GLIS3: variants seen among roughly 807,000 people sequenced by gnomAD.
The protein encoded by GLIS3 is GLIS family zinc finger 3.
GLIS3 carries 53 observed loss-of-function variants against 78.6 expected under a neutral mutation model. That is an observed-to-expected ratio of 0.67 (90% CI 0.54 to 0.85). The LOEUF is 0.85. GLIS3 is among the 40% of genes least tolerant of loss of function. The probability of loss-of-function intolerance (pLI) is 0.00; values close to 1 mark genes in which losing one functional copy is unlikely to be tolerated. For synonymous variants in GLIS3, 684 were observed against 509.9 expected (o/e 1.34, Z -4.60); for missense variants, 1,703 against 1,231.1 (o/e 1.38, Z -5.74).
chr9:4,134,484 T>C (rs1263338456), intron 2 of GLIS3, among the ~76,000 whole-genome samples: 1 of 152,156 alleles, frequency 6.6e-6, no homozygotes. Context: ...AGCAGAGTAA[T>C]TTTACCTCTT....
At chr9:4,435,886 T>C in the GLIS3 span, among the ~76,000 whole-genome samples, 21 of 152,078 alleles carry the variant, frequency 1.4e-4, no homozygotes, top group Admixed American at 7.9e-4. Flanking sequence ...GAGGTGGAGC[T>C]TGCAGTGAGC....
In GLIS3 at chr9:3,948,507, T is replaced by A. The variant is rs545641262; in HGVS notation, c.1711-11318A>T. ...TGATCCCTATAATTCTTATGAAAAA[T>A]ACCTTGGCTCAGAATTGTAACCTCA... On this transcript the variant is annotated intron_variant, in intron 4 of 10. Transcript: ENST00000381971. Among the ~76,000 whole-genome samples, 19 of 152,264 alleles carry A rather than the reference T, an allele frequency of 1.2e-4. No individual in the cohort carries two copies. In the South Asian group the frequency reaches 1.9e-3, roughly 15 times the overall value.
chr9:4,186,358 A>G (rs1817795332), intron 2 of GLIS3, among the ~76,000 whole-genome samples: 1 of 151,920 alleles, frequency 6.6e-6, no homozygotes. Flanking sequence ...ATAGTATTCC[A>G]TGGTGTATAT....
chr9:3,851,532 C>G (rs1819432258), intron 9 of GLIS3, among the ~76,000 whole-genome samples: 1 of 152,192 alleles, frequency 6.6e-6, no homozygotes, highest in South Asian at 2.1e-4. Flanking sequence ...GGGTCATTCA[C>G]TAGGTAAGGA....
the GLIS3 span, among the ~76,000 whole-genome samples, chr9:4,401,118 C>T: frequency 6.6e-6 from 1 of 152,154 alleles, no homozygotes; most frequent in Non-Finnish European, 1.5e-5. Context: ...CTTGGGGTCC[C>T]TAAGTCCAGA....
intron 4 of GLIS3, among the ~76,000 whole-genome samples, chr9:4,061,651 AC>A (rs1271620057): frequency 1.3e-5 from 2 of 152,238 alleles, no homozygotes; most frequent in Non-Finnish European, 2.9e-5. Flanking sequence ...AGATGTTGAT[AC>A]TTTTTTAGAG....
chr9:4,204,018 G>A (rs762267455), intron 2 of GLIS3, among the ~76,000 whole-genome samples: 4 of 152,258 alleles, frequency 2.6e-5, no homozygotes, highest in South Asian at 2.1e-4. Context: ...AGGTACCTGC[G>A]TTAACATGAT....
chr9:4,270,300 C>T (rs562053499), intron 2 of GLIS3, among the ~76,000 whole-genome samples: 1 of 152,336 alleles, frequency 6.6e-6, no homozygotes, highest in African/African-American at 2.4e-5. Context: ...AAAGCCCAGA[C>T]AATAACTGTA....
At chr9:4,338,286 A>G (rs1264552566) in intron 2 of GLIS3, among the ~76,000 whole-genome samples, 1 of 152,106 alleles carries the variant, frequency 6.6e-6, no homozygotes, top group African/African-American at 2.4e-5. Context: ...GTCTTTCTGT[A>G]GACCTACTGA....
rs926525506 is a variant in GLIS3 at position 4,105,116 on chromosome 9, G to A, written c.1710+12652C>T. Among the ~76,000 whole-genome samples the A allele has an allele frequency of 2.6e-5, 4 of 152,112 alleles. No individual in the cohort carries two copies. The South Asian group carries it at 8.3e-4, about 32-fold the overall frequency. The stretch of plus-strand genomic sequence containing the variant: ...TAACCTTAGAATTTTTCCTTATGAA[G>A]ACAATTTTATTTCCTTTCCTCTTTT... On this transcript the variant is annotated intron_variant, in intron 4 of 10. Transcript: ENST00000381971.
chr9:3,870,645 C>T (rs539194314), intron 8 of GLIS3, among the ~76,000 whole-genome samples: 103 of 152,280 alleles, frequency 6.8e-4, no homozygotes, highest in African/African-American at 2.2e-3. Flanking sequence ...CATCAGGTCT[C>T]GTGAGACTTA....
the GLIS3 span, among the ~76,000 whole-genome samples, chr9:4,430,028 TAAACAAAC>T: frequency 2.7e-4 from 41 of 150,666 alleles, no homozygotes; most frequent in Non-Finnish European, 5.2e-4. Context: ...CTCTTTCTAT[TAAACAAAC>T]AAACAAACAA....
At chr9:4,335,383 T>C (rs893396658) in intron 2 of GLIS3, among the ~76,000 whole-genome samples, 2 of 152,186 alleles carry the variant, frequency 1.3e-5, no homozygotes, top group Non-Finnish European at 2.9e-5. Context: ...AATGGTTCAG[T>C]TAAAGTAAAT....
chr9:4,045,395 G>C (rs892251923), intron 4 of GLIS3, among the ~76,000 whole-genome samples: 22 of 152,042 alleles, frequency 1.4e-4, no homozygotes, highest in African/African-American at 4.6e-4. Context: ...GAGTGCAGTG[G>C]TGCGATCTCG....
the GLIS3 span, among the ~76,000 whole-genome samples, chr9:4,462,090 A>G: frequency 6.6e-6 from 1 of 152,196 alleles, no homozygotes; most frequent in Non-Finnish European, 1.5e-5. Context: ...AATAATTCTC[A>G]GATTATTTTT....
At chr9:4,348,120 G>C (rs1165292056) in intron 1 of GLIS3, 1 of 152,192 alleles carries the variant, frequency 6.6e-6, no homozygotes. Flanking sequence ...GTTAATTACA[G>C]CATAACTTAT....
intron 4 of GLIS3, among the ~76,000 whole-genome samples, chr9:4,108,341 C>G (rs1830933678): frequency 6.6e-6 from 1 of 152,154 alleles, no homozygotes. Flanking sequence ...TTCCCAAAAG[C>G]AAGCCTCAAT....
At chr9:3,915,972 T>C (rs903414092) in intron 6 of GLIS3, among the ~76,000 whole-genome samples, 15 of 152,192 alleles carry the variant, frequency 9.9e-5, no homozygotes, top group African/African-American at 3.6e-4. Flanking sequence ...TTTATCTGAC[T>C]TAAAAGAAAG....
intron 2 of GLIS3, among the ~76,000 whole-genome samples, chr9:4,263,513 C>CA (rs60965547): frequency 0.76 from 114,453 of 150,106 alleles, 43,806 homozygotes; most frequent in African/African-American, 0.8. Context: ...GCATTGAGGC[C>CA]AAAAAAAAAG....
Sources: allele counts gnomAD v4.1 joint callset (sites outside exome capture counted in the v4.1 genomes callset), GRCh38; gene constraint gnomAD v4.1.1; transcripts MANE v1.5; gene names NCBI Gene and HGNC (gene_info 2026-07-23, HGNC 2026-07-21).